SLC25A13: variants seen among roughly 807,000 people sequenced by gnomAD.
SLC25A13 encodes the protein electrogenic aspartate/glutamate antiporter SLC25A13, mitochondrial.
Under a neutral mutation model 85.5 loss-of-function variants are expected in SLC25A13, and 70 were observed. The ratio of observed to expected loss-of-function variants is 0.82; its 90% CI spans 0.68 to 1.00. The LOEUF is 1.00. SLC25A13 is among the 50% of genes least tolerant of loss of function. The pLI is 0.00. For synonymous variants in SLC25A13, 259 were observed against 288.7 expected (o/e 0.90, Z 1.04); for missense variants, 765 against 819.8 (o/e 0.93, Z 0.82).
chr7:96,165,341 A>G (rs1234818765), intron 13 of SLC25A13, among the ~76,000 whole-genome samples: 5 of 152,300 alleles, frequency 3.3e-5, no homozygotes, highest in Non-Finnish European at 7.3e-5. Flanking sequence ...AGTATCATGT[A>G]TAAGTTTAAA....
chr7:96,208,534 C>G (rs758078885), intron 5 of SLC25A13, among the ~76,000 whole-genome samples: 34 of 142,702 alleles, frequency 2.4e-4, no homozygotes, highest in Non-Finnish European at 4.8e-4. Context: ...GAGACGGAGT[C>G]TCGCTCTTTC....
intron 3 of SLC25A13, among the ~76,000 whole-genome samples, chr7:96,240,010 T>C (rs945973297): frequency 2.6e-5 from 4 of 152,190 alleles, no homozygotes; most frequent in East Asian, 3.8e-4. Flanking sequence ...TTATCACATA[T>C]GTGGAAAGGT....
chr7:96,248,580 C>T (rs1016170862), intron 3 of SLC25A13, among the ~76,000 whole-genome samples: 7 of 152,108 alleles, frequency 4.6e-5, no homozygotes, highest in African/African-American at 1.7e-4. Flanking sequence ...GACTTAGGTA[C>T]CATGCTCCTA....
At position 96,228,580 on chromosome 7, in the gene SLC25A13, G is replaced by C. The variant is rs191293871; in HGVS notation, c.328+6222C>G. Reference sequence around the variant, plus strand: ...CTGGCAGTCCTCGCTCGCTCTAGGCGCCTCCTCGGCCTCGGCGCCCACTCT... The same window carrying C: ...CTGGCAGTCCTCGCTCGCTCTAGGCCCCTCCTCGGCCTCGGCGCCCACTCT... On this transcript the variant is annotated intron_variant, in intron 4 of 17. Transcript: ENST00000265631. Among the ~76,000 whole-genome samples the C allele has an allele frequency of 8.9e-3, 1,358 of 152,280 alleles. 17 individuals carry two copies. The highest frequency in any genetic ancestry group is 0.03 in the African/African-American group (1,266 of 41,564).
At chr7:96,191,532 A>T (rs1794853312) in intron 6 of SLC25A13, among the ~76,000 whole-genome samples, 1 of 152,246 alleles carries the variant, frequency 6.6e-6, no homozygotes, top group Non-Finnish European at 1.5e-5. Flanking sequence ...TTAGAGTTCA[A>T]ATTTCAATTG....
At chr7:96,280,827 A>G (rs758181674) in intron 2 of SLC25A13, among the ~76,000 whole-genome samples, 23 of 152,192 alleles carry the variant, frequency 1.5e-4, no homozygotes, top group Non-Finnish European at 2.9e-4. Flanking sequence ...TCACACACTG[A>G]TGGTATGAGA....
intron 3 of SLC25A13, among the ~76,000 whole-genome samples, chr7:96,251,133 T>C (rs780413041): frequency 4.6e-5 from 7 of 152,020 alleles, no homozygotes; most frequent in Non-Finnish European, 7.4e-5. Flanking sequence ...GTGAGATTCT[T>C]AGGGGAAGTG....
intron 13 of SLC25A13, among the ~76,000 whole-genome samples, chr7:96,161,146 T>C (rs948276934): frequency 1.3e-5 from 2 of 152,224 alleles, no homozygotes; most frequent in Non-Finnish European, 2.9e-5. Context: ...AAGTTGTTTA[T>C]CTTCATCCTG....
intron 13 of SLC25A13, among the ~76,000 whole-genome samples, chr7:96,156,484 G>C (rs540063179): frequency 6.8e-6 from 1 of 147,136 alleles, no homozygotes; most frequent in African/African-American, 2.5e-5. Flanking sequence ...CAGAATCTCC[G>C]TCTGTCGCCC....
intron 3 of SLC25A13, among the ~76,000 whole-genome samples, chr7:96,268,092 A>T (rs1798104309): frequency 6.6e-6 from 1 of 152,138 alleles, no homozygotes; most frequent in South Asian, 2.1e-4. Flanking sequence ...AGTGCTTGGT[A>T]CCCGTAACCC....
intron 2 of SLC25A13, among the ~76,000 whole-genome samples, chr7:96,281,409 A>T (rs1798673394): frequency 6.6e-6 from 1 of 151,604 alleles, no homozygotes; most frequent in African/African-American, 2.4e-5. Context: ...AAAAAAAAAA[A>T]GAATAAACTA....
chr7:96,246,769 T>G lies in SLC25A13; in HGVS notation c.213-11852A>C, dbSNP rs192143949. Among the ~76,000 whole-genome samples, 765 of 152,298 alleles carry G rather than the reference T, an allele frequency of 5.0e-3. 7 individuals carry two copies. The highest frequency in any genetic ancestry group is 0.018 in the African/African-American group (739 of 41,562). ...AAAATTAAATGACTGAAATAGCCCT[T>G]ATCATTTTAAGAAATAAAATTATTC... On this transcript the variant is annotated intron_variant, in intron 3 of 17. Transcript: ENST00000265631.
At chr7:96,233,030 G>C (rs566253130) in intron 4 of SLC25A13, among the ~76,000 whole-genome samples, 11 of 152,204 alleles carry the variant, frequency 7.2e-5, no homozygotes, top group Non-Finnish European at 1.2e-4. Flanking sequence ...CAGTGGTAAA[G>C]CTGGTGTCAC....
chr7:96,312,723 C>A (rs975384341), intron 1 of SLC25A13, among the ~76,000 whole-genome samples: 3 of 152,116 alleles, frequency 2.0e-5, no homozygotes, highest in Non-Finnish European at 1.5e-5. Flanking sequence ...ATCATGGCAA[C>A]AAGAGCCAAT....
chr7:96,288,445 C>G (rs1307929081), intron 2 of SLC25A13, among the ~76,000 whole-genome samples: 2 of 152,150 alleles, frequency 1.3e-5, no homozygotes, highest in South Asian at 4.1e-4. Flanking sequence ...TGCAGCCCAC[C>G]AAGTGTGAGC....
chr7:96,141,095 T>A (rs1189618952), intron 14 of SLC25A13, among the ~76,000 whole-genome samples: 2 of 148,476 alleles, frequency 1.3e-5, no homozygotes, highest in East Asian at 4.1e-4. Context: ...ATCATATAGC[T>A]CACCGCAGCC....
In SLC25A13 at chr7:96,306,152, T is replaced by A. The variant is rs563226636; in HGVS notation, c.16-9201A>T. On this transcript the variant is annotated intron_variant, in intron 1 of 17. Transcript: ENST00000265631. ...TTCCCCAAGTCACACAGTTAGCAAG[T>A]GGCAGAGCCCTAATTTGATTGCAAA... Among the ~76,000 whole-genome samples the A allele has an allele frequency of 5.3e-5, 8 of 152,342 alleles. No individual in the cohort carries two copies. In the South Asian group the frequency reaches 1.7e-3, roughly 32 times the overall value.
rs1562828692 is a variant in SLC25A13, at chr7:96,189,603, C to T, written c.826G>A (p.Ala276Thr). Residue 276 changes from alanine to threonine, a missense_variant, in exon 8 of 18, where the codon GCA becomes ACA. By Grantham distance (58) the Ala-to-Thr change is moderately conservative (BLOSUM62 0). Coordinates refer to ENST00000265631, the MANE Select transcript of SLC25A13 (RefSeq NM_014251.3). ...PMEVDILFQLADLYEPRGRMT... is the reference protein window; with the variant it reads ...PMEVDILFQLTDLYEPRGRMT... ...TACCCCCTTGGCTCATATAAATCTG[C>T]TAACTGAAACAAGATGTCAACTTCC... is the stretch of plus-strand genomic sequence containing the variant. The T allele has an allele frequency of 6.2e-7, 1 of 1,607,834 alleles. No homozygotes were observed. Among genetic ancestry groups the T allele is most frequent in the Non-Finnish European group, 8.5e-7 (1 of 1,178,396 alleles).
chr7:96,163,954 G>GACT lies in SLC25A13; in HGVS notation c.1311+6088_1311+6090dup, dbSNP rs199863422. On this transcript the variant is annotated intron_variant, in intron 13 of 17. Coordinates refer to ENST00000265631, the MANE Select transcript of SLC25A13 (RefSeq NM_014251.3). ...AAAGTAGACACCAGAAGAGGAGGAA[G>GACT]ACTAGTACTTAAGTCATGATTTAAT... is the stretch of plus-strand genomic sequence containing the variant. Among the ~76,000 whole-genome samples, 35 of 152,234 alleles carry GACT rather than the reference G, an allele frequency of 2.3e-4. No individual in the cohort carries two copies. In the East Asian group the frequency reaches 6.4e-3, roughly 28 times the overall value.
Sources: gnomAD v4.1 joint callset for allele counts (sites outside exome capture counted in the v4.1 genomes callset) on GRCh38, gnomAD v4.1.1 for gene constraint, MANE v1.5 for transcripts, NCBI Gene and HGNC (gene_info 2026-07-23, HGNC 2026-07-21) for gene names.